Variants in NACAD observed in about 807,000 individuals in gnomAD.
The protein encoded by NACAD is NAC-alpha domain-containing protein 1.
Under a neutral mutation model 98.9 loss-of-function variants are expected in NACAD, and 47 were observed. The ratio of observed to expected loss-of-function variants is 0.48; its 90% CI spans 0.38 to 0.61. The LOEUF is 0.61. NACAD is among the 20% of genes least tolerant of loss of function. The pLI is 0.00. For synonymous variants in NACAD, 696 were observed against 767.2 expected (o/e 0.91, Z 1.53); for missense variants, 1,412 against 1,748.2 (o/e 0.81, Z 3.43).
Position 45,082,659 on chromosome 7 carries a change from G to C in NACAD, c.3521C>G (p.Thr1174Arg), listed in dbSNP as rs867288907. The C allele has an allele frequency of 3.3e-6, 5 of 1,509,172 alleles. No individual in the cohort carries two copies. The highest frequency in any genetic ancestry group is 1.3e-5 in the South Asian group (1 of 77,286). 93.5% of individuals were successfully genotyped at this position (1,509,172 alleles called of 1,614,324 possible). ...DRGCPDAPAPTSAPTSQQPEP... is the reference protein window; with the variant it reads ...DRGCPDAPAPRSAPTSQQPEP... The stretch of plus-strand genomic sequence containing the variant: ...CGGCTGCTGGGAGGTTGGTGCAGAC[G>C]TGGGGGCAGGCGCGTCAGGGCAGCC... The change falls in exon 2 of 8, where the codon ACG becomes AGG. Residue 1174 changes from threonine to arginine, a missense_variant. Around this residue, in one of 5 missense-constraint regions of NACAD, gnomAD observed 572 missense variants for 639.6 expected, o/e 0.89. Coordinates refer to ENST00000490531, the MANE Select transcript of NACAD (RefSeq NM_001146334.2). The surrounding 1 kb of genome is among the most constrained non-coding windows in gnomAD (Gnocchi z 4.5).
In NACAD at chr7:45,081,050, T is replaced by C. The variant is rs769327115; in HGVS notation, c.4405-28A>G. 2.4e-5 allele frequency: 37 copies of C among 1,550,946 alleles called. No homozygotes were observed. The South Asian group carries it at 4.2e-4, about 17-fold the overall frequency. ...GCAAAATGGAAGACAGCTGTGTCAG[T>C]AGAGCCTGTCCCCCCCTTGTCCCCT... is the stretch of plus-strand genomic sequence containing the variant. On this transcript the variant is annotated intron_variant, in intron 5 of 7. Transcript: ENST00000490531.
chr7:45,087,712 A>ATGGGACATCCAGGGGGTCC (rs1784542009), intron 1 of NACAD, among the ~76,000 whole-genome samples: 1 of 152,210 alleles, frequency 6.6e-6, no homozygotes, highest in South Asian at 2.1e-4. Context: ...TGCTGGGGTG[A>ATGGGACATCCAGGGGGTCC]TGGGACATCC....
Position 45,088,543 on chromosome 7 carries a change from C to A in NACAD, c.67+285G>T, listed in dbSNP as rs983199609. On this transcript the variant is annotated intron_variant, in intron 1 of 7. Coordinates refer to ENST00000490531, the MANE Select transcript of NACAD (RefSeq NM_001146334.2). This position sits in a 1 kb window ranked among gnomAD's most constrained non-coding sequence, Gnocchi z 5.7. ...GCTCGGTGCAAACAACGGGATGCAG[C>A]GGGCGGGATGCGAGCCCCACGATCC... 2.0e-5 allele frequency among the ~76,000 whole-genome samples: 3 copies of A among 152,210 alleles called. No individual in the cohort carries two copies. The highest frequency in any genetic ancestry group is 7.2e-5 in the African/African-American group (3 of 41,452).
Position 45,088,813 on chromosome 7 carries a change from T to C in NACAD, c.67+15A>G. 6.8e-7 allele frequency: 1 copy of C among 1,478,128 alleles called. No individual in the cohort carries two copies. Among genetic ancestry groups the C allele is most frequent in the Non-Finnish European group, 8.9e-7 (1 of 1,118,196 alleles). 91.6% of individuals were successfully genotyped at this position (1,478,128 alleles called of 1,614,324 possible). On this transcript the variant is annotated intron_variant, in intron 1 of 7. Transcript: ENST00000490531. The surrounding 1 kb of genome is among the most constrained non-coding windows in gnomAD (Gnocchi z 5.7). ...GGAGAGGCTGAAGGCAGGGAAAGAG[T>C]GGCCACGGCCTCACCTGTGCGGGGC...
Position 45,082,925 on chromosome 7 carries a change from C to A in NACAD, c.3255G>T (p.Lys1085Asn). 6.4e-7 allele frequency: 1 copy of A among 1,551,124 alleles called. No individual in the cohort carries two copies. The highest frequency in any genetic ancestry group is 8.7e-7 in the Non-Finnish European group (1 of 1,146,998). Residue 1085 changes from lysine to asparagine, a missense_variant, in exon 2 of 8, where the codon AAG becomes AAT. By Grantham distance (94) the Lys-to-Asn change is moderately conservative. Around this residue, in one of 5 missense-constraint regions of NACAD, gnomAD observed 572 missense variants for 639.6 expected, o/e 0.89. Transcript: ENST00000490531. The surrounding 1 kb of genome is among the most constrained non-coding windows in gnomAD (Gnocchi z 4.5). Reference sequence around the variant, plus strand: ...TGGGTCCATGTTCCTGTGCCAGTGGCTTCAGGCCTCCTTCCTGCTGGTTCT... The same window carrying A: ...TGGGTCCATGTTCCTGTGCCAGTGGATTCAGGCCTCCTTCCTGCTGGTTCT... The part of the protein sequence containing the change: ...EVENQQEGGL[K>N]PLAQEHGPRS...
rs780061736 is a variant in NACAD at position 45,082,200 on chromosome 7, T to A, written c.3980A>T (p.Gln1327Leu). ...DLALQILPPC[Q>L]VPPPSGPQSP... ...CTGGGGCCCAGAGGGAGGAGGCACT[T>A]GGCAAGGCGGCAAGATCTGCAAGGC... The change falls in exon 2 of 8, where the codon CAA becomes CTA. Residue 1327 changes from glutamine to leucine, a missense_variant. Coordinates refer to ENST00000490531, the MANE Select transcript of NACAD (RefSeq NM_001146334.2). The surrounding 1 kb of genome is among the most constrained non-coding windows in gnomAD (Gnocchi z 4.5). 2.5e-5 allele frequency: 38 copies of A among 1,533,704 alleles called. No individual in the cohort carries two copies. The highest frequency in any genetic ancestry group is 3.2e-5 in the Non-Finnish European group (36 of 1,137,320).
chr7:45,082,320 G>A lies in NACAD; in HGVS notation c.3860C>T (p.Thr1287Ile). The change falls in exon 2 of 8, where the codon ACC becomes ATC. Residue 1287 changes from threonine (T) to isoleucine (I), a missense_variant. Transcript: ENST00000490531. This position sits in a 1 kb window ranked among gnomAD's most constrained non-coding sequence, Gnocchi z 4.5. ...VQPAAAAVSGTTQPLGTGPRV... is the reference protein window; with the variant it reads ...VQPAAAAVSGITQPLGTGPRV... ...CGGCCCAGTCCCCAGAGGCTGTGTG[G>A]TTCCTGAGACAGCAGCAGCGGCAGG... 6.4e-7 allele frequency: 1 copy of A among 1,550,594 alleles called. No individual in the cohort carries two copies. Among genetic ancestry groups the A allele is most frequent in the Non-Finnish European group, 8.7e-7 (1 of 1,146,954 alleles).
Position 45,085,544 on chromosome 7 carries a change from G to C in NACAD, c.636C>G (p.Pro212=), listed in dbSNP as rs764930569. Residue 212 remains proline, a synonymous_variant, in exon 2 of 8, where the codon CCC becomes CCG. Transcript: ENST00000490531. The surrounding 1 kb of genome is among the most constrained non-coding windows in gnomAD (Gnocchi z 6.1). ...AELRDELLDS[P]PASPSGSYIT... ...TGTAGGAGCCCGAGGGTGAGGCGGGGGGCGAGTCCAGCAGCTCATCCCGCA... is the reference window on the plus strand; with the variant it reads ...TGTAGGAGCCCGAGGGTGAGGCGGGCGGCGAGTCCAGCAGCTCATCCCGCA... The C allele has an allele frequency of 6.4e-7, 1 of 1,550,404 alleles. No individual in the cohort carries two copies. Among genetic ancestry groups the C allele is most frequent in the African/African-American group, 1.4e-5 (1 of 73,162 alleles).
At position 45,082,109 on chromosome 7, in the gene NACAD, T is replaced by A. The variant is rs1362498461; in HGVS notation, c.4071A>T (p.Glu1357Asp). Residue 1357 changes from glutamate (E) to aspartate (D), a missense_variant and splice_region_variant, in exon 2 of 8, where the codon GAA becomes GAT. Physicochemically the swap from Glu to Asp is conservative, Grantham distance 45. This residue lies in a region of NACAD where 572 missense variants were observed against 639.6 expected (regional missense o/e 0.89). Transcript: ENST00000490531. The surrounding 1 kb of genome is among the most constrained non-coding windows in gnomAD (Gnocchi z 4.5). ...EQQEDEDSLE[E>D]DSPRALGSGQ... ...CTTCACTCCCACCCTCTGCCTTACC[T>A]TCCTCCAGGCTGTCCTCATCCTCTT... is the stretch of plus-strand genomic sequence containing the variant. 6.8e-7 allele frequency: 1 copy of A among 1,468,622 alleles called. No individual in the cohort carries two copies. Among genetic ancestry groups the A allele is most frequent in the Admixed American group, 2.6e-5 (1 of 37,868 alleles). 91.0% of individuals were successfully genotyped at this position (1,468,622 alleles called of 1,614,324 possible).
chr7:45,082,964 C>G lies in NACAD; in HGVS notation c.3216G>C (p.Glu1072Asp). The G allele has an allele frequency of 6.4e-7, 1 of 1,551,070 alleles. No homozygotes were observed. Among genetic ancestry groups the G allele is most frequent in the Non-Finnish European group, 8.7e-7 (1 of 1,147,012 alleles). Residue 1072 changes from glutamate to aspartate, a missense_variant, in exon 2 of 8, where the codon GAG becomes GAC. Glu to Asp is a conservative substitution (Grantham distance 45). Around this residue, in one of 5 missense-constraint regions of NACAD, gnomAD observed 572 missense variants for 639.6 expected, o/e 0.89. Coordinates refer to ENST00000490531, the MANE Select transcript of NACAD (RefSeq NM_001146334.2). This position sits in a 1 kb window ranked among gnomAD's most constrained non-coding sequence, Gnocchi z 4.5. ...DGAKPDSPQK[E>D]TLEVENQQEG... ...CCTGCTGGTTCTCAACCTCCAGGGTCTCCTTTTGGGGTGAGTCAGGCTTAG... is the reference window on the plus strand; with the variant it reads ...CCTGCTGGTTCTCAACCTCCAGGGTGTCCTTTTGGGGTGAGTCAGGCTTAG...
intron 4 of NACAD, 138 bp downstream of exon 4, chr7:45,081,463 G>A (rs990831687): frequency 4.8e-6 from 6 of 1,261,986 alleles, no homozygotes; most frequent in African/African-American, 1.5e-5. Flanking sequence ...AGGGGAAGGT[G>A]TGTGGGTTAC....
rs1437124211 is a variant in NACAD at position 45,082,628 on chromosome 7, A to G, written c.3552T>C (p.Pro1184=). The stretch of plus-strand genomic sequence containing the variant: ...GCTCAACACTGCCCAGACCCAGTAC[A>G]GGCTCCGGCTGCTGGGAGGTTGGTG... ...TSAPTSQQPE[P]VLGLGSVEQP... is the part of the protein sequence containing the mutation. Residue 1184 remains proline, a synonymous_variant, in exon 2 of 8, where the codon CCT becomes CCC. Coordinates refer to ENST00000490531, the MANE Select transcript of NACAD (RefSeq NM_001146334.2). The surrounding 1 kb of genome is among the most constrained non-coding windows in gnomAD (Gnocchi z 4.5). The G allele has an allele frequency of 6.6e-7, 1 of 1,517,338 alleles. No individual in the cohort carries two copies. The highest frequency in any genetic ancestry group is 2.1e-5 in the Admixed American group (1 of 47,266). The allele number at this position is 1,517,338 out of a possible 1,614,324, so 94.0% of individuals were successfully genotyped here. A position where few individuals can be genotyped will look rare whatever the true frequency, so the allele number is the denominator to read the frequency against.
rs1377814094 is a variant in NACAD at position 45,084,914 on chromosome 7, C to T, written c.1266G>A (p.Lys422=). Residue 422 remains lysine, a synonymous_variant, in exon 2 of 8, where the codon AAG becomes AAA. Transcript: ENST00000490531. ...CCCCACCTCCGCTCTCCTCCTCTGT[C>T]TTCTGGACACTGTCCTGGAGCAAAG... ...QATLLQDSVQ[K]TEEESGGGAK... The T allele has an allele frequency of 6.4e-7, 1 of 1,551,208 alleles. No individual in the cohort carries two copies. The highest frequency in any genetic ancestry group is 1.2e-5 in the South Asian group (1 of 84,050).
Position 45,085,864 on chromosome 7 carries a change from A to G in NACAD, c.316T>C (p.Ser106Pro), listed in dbSNP as rs1182178950. Residue 106 changes from serine to proline, a missense_variant, in exon 2 of 8, where the codon TCC becomes CCC. Ser to Pro is a moderately conservative substitution (Grantham distance 74). Transcript: ENST00000490531. This position sits in a 1 kb window ranked among gnomAD's most constrained non-coding sequence, Gnocchi z 6.1. ...LPEGLSSQAL[S>P]TEAPLPATLE... ...GTGGCCGGGAGAGGAGCCTCCGTGG[A>G]CAGAGCCTGGGAAGACAGGCCCTCA... 6.5e-7 allele frequency: 1 copy of G among 1,546,740 alleles called. No homozygotes were observed.
In NACAD at chr7:45,085,195, G is replaced by C; in HGVS notation, c.985C>G (p.Leu329Val). Residue 329 changes from leucine (L) to valine (V), a missense_variant, in exon 2 of 8, where the codon CTA becomes GTA. Physicochemically the swap from Leu to Val is conservative, Grantham distance 32. Around this residue, in one of 5 missense-constraint regions of NACAD, gnomAD observed 638 missense variants for 722.7 expected, o/e 0.88. Transcript: ENST00000490531. The surrounding 1 kb of genome is among the most constrained non-coding windows in gnomAD (Gnocchi z 6.1). ...FQVEAVEVTP[L>V]SPEEEEEEAV... ...TCCTCTTCTTCTTCCTCTGGGGATA[G>C]CGGTGTCACCTCCACTGCCTCCACC... is the stretch of plus-strand genomic sequence containing the variant. The C allele has an allele frequency of 6.4e-7, 1 of 1,551,396 alleles. No homozygotes were observed. The highest frequency in any genetic ancestry group is 2.4e-5 in the East Asian group (1 of 40,918).
Position 45,082,925 on chromosome 7 carries a change from C to T in NACAD, c.3255G>A (p.Lys1085=). 1.9e-6 allele frequency: 3 copies of T among 1,551,124 alleles called. No individual in the cohort carries two copies. The highest frequency in any genetic ancestry group is 2.6e-6 in the Non-Finnish European group (3 of 1,146,998). ...EVENQQEGGL[K]PLAQEHGPRS... The stretch of plus-strand genomic sequence containing the variant: ...TGGGTCCATGTTCCTGTGCCAGTGG[C>T]TTCAGGCCTCCTTCCTGCTGGTTCT... The change falls in exon 2 of 8, where the codon AAG becomes AAA. Residue 1085 remains lysine (K), a synonymous_variant. Transcript: ENST00000490531. The surrounding 1 kb of genome is among the most constrained non-coding windows in gnomAD (Gnocchi z 4.5).
rs1227503834 is a variant in NACAD, at chr7:45,081,825, T to C, written c.4115A>G (p.His1372Arg). ...ALGSGQHSDSHGESSAELDEQ... is the reference protein window; with the variant it reads ...ALGSGQHSDSRGESSAELDEQ... ...GTCCAGCTCGGCTGATGACTCCCCG[T>C]GGCTATCCGAATGCTGGCCCGAGCC... Residue 1372 changes from histidine to arginine, a missense_variant, in exon 3 of 8, where the codon CAC becomes CGC. Coordinates refer to ENST00000490531, the MANE Select transcript of NACAD (RefSeq NM_001146334.2). 2 of 1,549,436 alleles carry C rather than the reference T, an allele frequency of 1.3e-6. No homozygotes were observed. The highest frequency in any genetic ancestry group is 8.7e-7 in the Non-Finnish European group (1 of 1,146,952).
At chr7:45,087,611 C>G (rs1784540109) in intron 1 of NACAD, among the ~76,000 whole-genome samples, 4 of 152,260 alleles carry the variant, frequency 2.6e-5, no homozygotes, top group African/African-American at 7.2e-5. Flanking sequence ...AGAAGGGGGA[C>G]CCTGTTGCCA....
rs1352001681 is a variant in NACAD at position 45,082,118 on chromosome 7, G to C, written c.4062C>G (p.Ser1354Arg). The C allele has an allele frequency of 3.4e-6, 5 of 1,474,524 alleles. No homozygotes were observed. The East Asian group carries it at 1.2e-4, about 37-fold the overall frequency. 91.3% of individuals were successfully genotyped at this position (1,474,524 alleles called of 1,614,324 possible). A position where few individuals can be genotyped will look rare whatever the true frequency, so the allele number is the denominator to read the frequency against. ...SAPEQQEDEDSLEEDSPRALG... is the reference protein window; with the variant it reads ...SAPEQQEDEDRLEEDSPRALG... ...CACCCTCTGCCTTACCTTCCTCCAGGCTGTCCTCATCCTCTTGCTGCTCGG... is the reference window on the plus strand; with the variant it reads ...CACCCTCTGCCTTACCTTCCTCCAGCCTGTCCTCATCCTCTTGCTGCTCGG... The change falls in exon 2 of 8, where the codon AGC (serine) becomes AGG (arginine). Residue 1354 changes from serine to arginine, a missense_variant. By Grantham distance (110) the Ser-to-Arg change is moderately radical (BLOSUM62 -1). Transcript: ENST00000490531. The surrounding 1 kb of genome is among the most constrained non-coding windows in gnomAD (Gnocchi z 4.5).
Sources: allele counts gnomAD v4.1 joint callset (sites outside exome capture counted in the v4.1 genomes callset), GRCh38; gene constraint gnomAD v4.1.1; regional missense constraint gnomAD v4.1.1; non-coding constraint Gnocchi (gnomAD v3.1); transcripts MANE v1.5; gene names NCBI Gene and HGNC (gene_info 2026-07-23, HGNC 2026-07-21).